The following GMPS variants were observed in gnomAD, a reference collection of about 807,000 sequenced individuals.
GMPS encodes guanosine monophosphate synthase, also known as GMP synthase [glutamine-hydrolyzing].
GMPS carries 15 observed loss-of-function variants against 77.9 expected under a neutral mutation model. The ratio of observed to expected loss-of-function variants is 0.19; its 90% confidence interval spans 0.13 to 0.30. The LOEUF is 0.30. GMPS is among the 10% of genes least tolerant of loss of function. GMPS has a pLI of 1.00. For synonymous variants in GMPS, 224 were observed against 275.9 expected (o/e 0.81, Z 1.86); for missense variants, 590 against 838.8 (o/e 0.70, Z 3.66).
chr3:155,907,572 G>C (rs893387181), intron 5 of GMPS, among the ~76,000 whole-genome samples: 5 of 152,154 alleles, frequency 3.3e-5, no homozygotes, highest in Non-Finnish European at 7.3e-5. Flanking sequence ...CTGGGCAACA[G>C]AGCAAGACCC....
chr3:155,877,082 G>A lies in GMPS; in HGVS notation c.27+6185G>A, dbSNP rs201558341. 1.6e-4 allele frequency among the ~76,000 whole-genome samples: 25 copies of A among 152,280 alleles called. No individual in the cohort carries two copies. The East Asian group carries it at 4.8e-3, about 29-fold the overall frequency. On this transcript the variant is annotated intron_variant, in intron 1 of 15. Coordinates refer to ENST00000496455, the MANE Select transcript of GMPS (RefSeq NM_003875.3). ...CTACCTCATTTGCAATTTGGAGAAC[G>A]AGTCTCAGTAATTCTTCTGAATCCT...
chr3:155,875,550 T>A (rs1332970147), intron 1 of GMPS, among the ~76,000 whole-genome samples: 2 of 152,256 alleles, frequency 1.3e-5, no homozygotes, highest in Non-Finnish European at 1.5e-5. Context: ...ACTTTGTTTT[T>A]ATGCCTCTTT....
In GMPS at chr3:155,879,265, C is replaced by CTTT. The variant is rs370727242; in HGVS notation, c.27+8387_27+8389dup. Among the ~76,000 whole-genome samples the CTTT allele has an allele frequency of 9.7e-4, 119 of 122,604 alleles. 1 individual carries two copies. The highest frequency in any genetic ancestry group is 2.9e-3 in the African/African-American group (97 of 33,418). The allele number at this position is 122,604 out of a possible 152,430, so 80.4% of individuals were successfully genotyped here. On this transcript the variant is annotated intron_variant, in intron 1 of 15. Coordinates refer to ENST00000496455, the MANE Select transcript of GMPS (RefSeq NM_003875.3). ...TCTCCACATCCTTTTCTGCACTTGTCTTTTTTTTTTTTTTTTTTTTTCCTG... is the reference window on the plus strand; with the variant it reads ...TCTCCACATCCTTTTCTGCACTTGTCTTTTTTTTTTTTTTTTTTTTTTTTCCTG...
chr3:155,876,850 A>G (rs1401339166), intron 1 of GMPS, among the ~76,000 whole-genome samples: 2 of 152,192 alleles, frequency 1.3e-5, no homozygotes, highest in African/African-American at 4.8e-5. Flanking sequence ...CCTGTGTTTT[A>G]AAAGTGGTGT....
intron 2 of GMPS, among the ~76,000 whole-genome samples, chr3:155,896,231 G>T (rs986939251): frequency 1.3e-5 from 2 of 151,950 alleles, no homozygotes; most frequent in African/African-American, 2.4e-5. Flanking sequence ...GGATGGTCTC[G>T]ATCTCCTGAC....
At chr3:155,931,740 T>G (rs771896906) in intron 12 of GMPS, 25 bp from the exon 13 acceptor site, 1 of 959,982 alleles carries the variant, frequency 1.0e-6, no homozygotes. Flanking sequence ...CTATTAAAAA[T>G]TATTGATTAT....
chr3:155,925,378 G>T lies in GMPS; in HGVS notation c.1560+12G>T. 1 of 1,579,962 alleles carries T rather than the reference G, an allele frequency of 6.3e-7. No individual in the cohort carries two copies. The highest frequency in any genetic ancestry group is 1.2e-5 in the South Asian group (1 of 86,102). On this transcript the variant is annotated intron_variant, in intron 12 of 15. Coordinates refer to ENST00000496455, the MANE Select transcript of GMPS (RefSeq NM_003875.3). ...CTGTAGGTGTGCAGGTGAGTTGTGT[G>T]AATTCATTCACCAGTGATATACTTT... is the stretch of plus-strand genomic sequence containing the variant.
At chr3:155,901,216 G>A (rs1293807531) in intron 3 of GMPS, among the ~76,000 whole-genome samples, 1 of 151,720 alleles carries the variant, frequency 6.6e-6, no homozygotes, top group Non-Finnish European at 1.5e-5. Flanking sequence ...ATGGCTTTAT[G>A]CATATGTTTA....
chr3:155,895,312 T>A (rs543125100), intron 2 of GMPS: 2 of 152,054 alleles, frequency 1.3e-5, no homozygotes, highest in East Asian at 3.9e-4. Flanking sequence ...ATTTTTTTTT[T>A]ATTATTTTTT....
At position 155,914,437 on chromosome 3, in the gene GMPS, C is replaced by T. The variant is rs1339812781; in HGVS notation, c.905C>T (p.Ser302Phe). The change falls in exon 8 of 16, where the codon TCT (serine) becomes TTT (phenylalanine). Residue 302 changes from serine (S) to phenylalanine (F), a missense_variant. Physicochemically the swap from Ser to Phe is radical, Grantham distance 155. Around this residue, in one of 6 missense-constraint regions of GMPS, gnomAD observed 181 missense variants for 186.8 expected, o/e 0.97. Coordinates refer to ENST00000496455, the MANE Select transcript of GMPS (RefSeq NM_003875.3). ...CCTCCAGTGATAAATGCTGCTCATT[C>T]TTTCTACAATGGAACAACAACCCTA... is the stretch of plus-strand genomic sequence containing the variant. ...IQVKVINAAH[S>F]FYNGTTTLPI... 2 of 1,572,302 alleles carry T rather than the reference C, an allele frequency of 1.3e-6. No homozygotes were observed. The highest frequency in any genetic ancestry group is 1.7e-6 in the Non-Finnish European group (2 of 1,165,402).
intron 1 of GMPS, among the ~76,000 whole-genome samples, chr3:155,871,825 C>T (rs1753913669): frequency 6.6e-6 from 1 of 152,244 alleles, no homozygotes; most frequent in Admixed American, 6.5e-5. Context: ...TGCTGCTCAT[C>T]TCTCCTCCAA....
In GMPS at chr3:155,914,547, A is replaced by C; in HGVS notation, c.1015A>C (p.Ile339Leu). The C allele has an allele frequency of 6.3e-7, 1 of 1,584,026 alleles. No homozygotes were observed. The highest frequency in any genetic ancestry group is 8.6e-7 in the Non-Finnish European group (1 of 1,169,260). Residue 339 changes from isoleucine to leucine, a missense_variant, in exon 8 of 16, where the codon ATC (isoleucine) becomes CTC (leucine). Ile to Leu is a conservative substitution (Grantham distance 5). Transcript: ENST00000496455. Reference protein sequence around the residue: ...MTTSPEEKRKIIGDTFVKIAN... With the variant: ...MTTSPEEKRKLIGDTFVKIAN... ...CACAAGTCCTGAAGAGAAAAGAAAA[A>C]TCATTGGGGATACTTTTGTTAAGGT...
At chr3:155,875,928 G>A (rs1397183910) in intron 1 of GMPS, among the ~76,000 whole-genome samples, 1 of 151,988 alleles carries the variant, frequency 6.6e-6, no homozygotes, top group Non-Finnish European at 1.5e-5. Flanking sequence ...TAATGTGAAA[G>A]GGAATAAGAT....
intron 2 of GMPS, among the ~76,000 whole-genome samples, chr3:155,894,520 G>A (rs1207842188): frequency 2.0e-5 from 3 of 152,106 alleles, no homozygotes; most frequent in South Asian, 4.1e-4. Flanking sequence ...CACCGTGCCC[G>A]GCCAGTGTCA....
chr3:155,879,487 G>A (rs754048846), intron 1 of GMPS, among the ~76,000 whole-genome samples: 7 of 151,738 alleles, frequency 4.6e-5, no homozygotes, highest in Non-Finnish European at 8.8e-5. Flanking sequence ...GGCTGGCCTC[G>A]AACTCCTGAT....
At chr3:155,876,258 C>G (rs76668045) in intron 1 of GMPS, among the ~76,000 whole-genome samples, 125 of 152,312 alleles carry the variant, frequency 8.2e-4, no homozygotes, top group African/African-American at 2.9e-3. Context: ...GGGAGGTACA[C>G]TGAGTAGCCG....
intron 1 of GMPS, among the ~76,000 whole-genome samples, chr3:155,878,594 G>A (rs1293158493): frequency 6.6e-6 from 1 of 152,168 alleles, no homozygotes; most frequent in Non-Finnish European, 1.5e-5. Context: ...CAAAGCAGCT[G>A]CAACATTTTA....
At chr3:155,891,739 TG>T (rs1258686805) in intron 1 of GMPS, among the ~76,000 whole-genome samples, 1 of 151,870 alleles carries the variant, frequency 6.6e-6, no homozygotes, top group African/African-American at 2.4e-5. Flanking sequence ...CCCGAGTAGC[TG>T]GGATTATAGG....
At chr3:155,909,819 G>C (rs1415303095) in intron 5 of GMPS, among the ~76,000 whole-genome samples, 1 of 152,120 alleles carries the variant, frequency 6.6e-6, no homozygotes, top group African/African-American at 2.4e-5. Flanking sequence ...GCATGCACCT[G>C]TTGTTCCAGC....
Sources: gnomAD v4.1 joint callset for allele counts (sites outside exome capture counted in the v4.1 genomes callset) on GRCh38, gnomAD v4.1.1 for gene constraint, gnomAD v4.1.1 regional missense constraint, MANE v1.5 for transcripts, NCBI Gene and HGNC (gene_info 2026-07-23, HGNC 2026-07-21) for gene names.